ANO2: variants seen among roughly 807,000 people sequenced by gnomAD.
The protein encoded by ANO2 is anoctamin 2, also known as anoctamin-2.
A neutral mutation model predicts 124.2 loss-of-function variants in ANO2; 101 were observed. The observed-to-expected ratio is 0.81, with a 90% confidence interval of 0.69 to 0.96. The LOEUF is 0.96. ANO2 is among the 40% of genes least tolerant of loss of function. The probability of loss-of-function intolerance (pLI) is 0.00; values close to 1 mark genes in which losing one functional copy is unlikely to be tolerated. For missense variants in ANO2, 1,293 were observed against 1,274.5 expected, an observed-to-expected ratio of 1.01 and a Z score of -0.22; for synonymous variants, 486 against 482.5, an observed-to-expected ratio of 1.01 and a Z score of -0.09.
chr12:5,945,242 C>T lies in ANO2; in HGVS notation c.-25G>A. The T allele has an allele frequency of 7.8e-7, 1 of 1,284,988 alleles. No individual in the cohort carries two copies. The highest frequency in any genetic ancestry group is 1.0e-6 in the Non-Finnish European group (1 of 986,238). The allele number at this position is 1,284,988 out of a possible 1,614,324, so 79.6% of individuals were successfully genotyped here. A position where few individuals can be genotyped will look rare whatever the true frequency, so the allele number is the denominator to read the frequency against. On this transcript the variant is annotated 5_prime_UTR_variant, in exon 1 of 25. Coordinates refer to ENST00000682330, the MANE Select transcript of ANO2 (RefSeq NM_001364791.2). ...TGATGTGGACGCAGACCCCGCCGGC[C>T]CGCGGCCGCGCGCTTCTGGGCAGGC...
intron 4 of ANO2, among the ~76,000 whole-genome samples, chr12:5,849,796 C>T (rs76813243): frequency 6.6e-6 from 1 of 152,118 alleles, no homozygotes; most frequent in Non-Finnish European, 1.5e-5. Flanking sequence ...ACTGATCCCG[C>T]GCCATGCCTC....
At position 5,850,596 on chromosome 12, in the gene ANO2, C is replaced by T. The variant is rs558293078; in HGVS notation, c.633+3447G>A. ...CTTTGCCTCTCCCTACTCCCTAACCCACCACATTGACAAACAGAATTGGTG... is the reference window on the plus strand; with the variant it reads ...CTTTGCCTCTCCCTACTCCCTAACCTACCACATTGACAAACAGAATTGGTG... On this transcript the variant is annotated intron_variant, in intron 4 of 24. Transcript: ENST00000682330. Among the ~76,000 whole-genome samples the T allele has an allele frequency of 1.1e-4, 16 of 152,224 alleles. 1 individual carries two copies. The South Asian group carries it at 3.3e-3, about 32-fold the overall frequency.
At chr12:5,847,475 G>GTA (rs1245835136) in intron 4 of ANO2, among the ~76,000 whole-genome samples, 1 of 151,438 alleles carries the variant, frequency 6.6e-6, no homozygotes, top group Non-Finnish European at 1.5e-5. Flanking sequence ...GTGTGTGTGT[G>GTA]TGTCCTGTTG....
intron 19 of ANO2, among the ~76,000 whole-genome samples, chr12:5,603,057 T>C (rs982616547): frequency 1.3e-5 from 2 of 152,106 alleles, no homozygotes; most frequent in Non-Finnish European, 2.9e-5. Flanking sequence ...ACCAAGGATA[T>C]AAAGCAAGGA....
chr12:5,750,801 T>C (rs1329954698), intron 11 of ANO2, 35 bp downstream of exon 11: 5 of 1,598,286 alleles, frequency 3.1e-6, no homozygotes, highest in Non-Finnish European at 2.6e-6. Context: ...TATTAACATA[T>C]GGCAACTGAG....
chr12:5,637,362 C>CGT (rs1565504464), intron 15 of ANO2, among the ~76,000 whole-genome samples: 1 of 141,086 alleles, frequency 7.1e-6, no homozygotes, highest in Non-Finnish European at 1.5e-5. Context: ...TGTGTGTGTA[C>CGT]GTGTGTGTGT....
rs116386009 is a variant in ANO2 at position 5,584,399 on chromosome 12, G to A, written c.2234-5881C>T. Reference sequence around the variant, plus strand: ...TTCAGTTCACTTTGTGGCCCTTGGAGAAGGCTGTTTTTCTTTAATTAAAAA... The same window carrying A: ...TTCAGTTCACTTTGTGGCCCTTGGAAAAGGCTGTTTTTCTTTAATTAAAAA... On this transcript the variant is annotated intron_variant, in intron 20 of 24. Coordinates refer to ENST00000682330, the MANE Select transcript of ANO2 (RefSeq NM_001364791.2). 3.2e-3 allele frequency among the ~76,000 whole-genome samples: 490 copies of A among 152,290 alleles called. 7 individuals are homozygous for A. The highest frequency in any genetic ancestry group is 0.011 in the African/African-American group (450 of 41,556).
chr12:5,761,487 C>T (rs1951744732), intron 10 of ANO2, among the ~76,000 whole-genome samples: 1 of 152,094 alleles, frequency 6.6e-6, no homozygotes, highest in South Asian at 2.1e-4. Flanking sequence ...TGTGCAAAAA[C>T]ATAATTTGGA....
intron 14 of ANO2, among the ~76,000 whole-genome samples, chr12:5,661,960 G>A (rs1294632970): frequency 6.6e-6 from 1 of 152,220 alleles, no homozygotes; most frequent in Admixed American, 6.5e-5. Flanking sequence ...TGTCAACACA[G>A]GATCCGCCAT....
intron 12 of ANO2, chr12:5,740,291 G>A (rs1316970520): frequency 2.1e-5 from 4 of 194,908 alleles, no homozygotes; most frequent in East Asian, 2.7e-4. Context: ...GAAGGCCTTC[G>A]TTTCCCACAG....
chr12:5,882,742 G>C (rs772832476), intron 3 of ANO2, among the ~76,000 whole-genome samples: 99 of 152,262 alleles, frequency 6.5e-4, no homozygotes, highest in Non-Finnish European at 1.6e-4. Flanking sequence ...TCCCCAAACA[G>C]AGCTGCCTTT....
At position 5,761,447 on chromosome 12, in the gene ANO2, C is replaced by A. The variant is rs568815727; in HGVS notation, c.1056-10477G>T. 9.2e-5 allele frequency among the ~76,000 whole-genome samples: 14 copies of A among 152,194 alleles called. No individual in the cohort carries two copies. In the South Asian group the frequency reaches 2.9e-3, roughly 32 times the overall value. On this transcript the variant is annotated intron_variant, in intron 10 of 24. Coordinates refer to ENST00000682330, the MANE Select transcript of ANO2 (RefSeq NM_001364791.2). ...CAGATATGGGTAAAAAAAAATTGGCCATCTAAGCAGGTAACCTTAACTTAT... is the reference window on the plus strand; with the variant it reads ...CAGATATGGGTAAAAAAAAATTGGCAATCTAAGCAGGTAACCTTAACTTAT...
In ANO2 at chr12:5,889,353, C is replaced by T. The variant is rs367658037; in HGVS notation, c.534+31687G>A. On this transcript the variant is annotated intron_variant, in intron 3 of 24. Coordinates refer to ENST00000682330, the MANE Select transcript of ANO2 (RefSeq NM_001364791.2). ...GTGCCACCAAAGTGGGAGCCGAGAG[C>T]GAGCGAGGGCTGCAAGGACTGCCAG... Among the ~76,000 whole-genome samples, 828 of 152,374 alleles carry T rather than the reference C, an allele frequency of 5.4e-3. 6 individuals are homozygous for T. Among genetic ancestry groups the T allele is most frequent in the African/African-American group, 0.019 (804 of 41,594 alleles).
In ANO2 at chr12:5,922,656, G is replaced by A. The variant is rs1179058210; in HGVS notation, c.171C>T (p.Gly57=). ...GGGTGCTCTCTCCACCGCAGGGCTG[G>A]CCAGGATCTCTGTTGGAACCGCCCT... The part of the protein sequence containing the change: ...GLQGGSNRDP[G]QPCGGESTRS... Residue 57 remains glycine (G), a synonymous_variant, in exon 2 of 25, where the codon GGC becomes GGT. Transcript: ENST00000682330. 1.3e-6 allele frequency: 2 copies of A among 1,557,496 alleles called. No individual in the cohort carries two copies. Among genetic ancestry groups the A allele is most frequent in the South Asian group, 1.2e-5 (1 of 84,844 alleles).
chr12:5,874,974 C>A (rs925150211), intron 3 of ANO2, among the ~76,000 whole-genome samples: 8 of 152,130 alleles, frequency 5.3e-5, no homozygotes, highest in Non-Finnish European at 8.8e-5. Flanking sequence ...ATTTTATTTA[C>A]AAAAGTAGGT....
intron 4 of ANO2, among the ~76,000 whole-genome samples, chr12:5,834,077 C>T (rs924453631): frequency 6.6e-6 from 1 of 152,136 alleles, no homozygotes; most frequent in East Asian, 1.9e-4. Context: ...TGAACCCTCC[C>T]GTCCATCCCA....
chr12:5,744,382 A>G (rs1261741405), intron 11 of ANO2, 65 bp from the exon 12 acceptor site: 2 of 1,565,864 alleles, frequency 1.3e-6, no homozygotes, highest in African/African-American at 1.4e-5. Flanking sequence ...AGAAAAATAC[A>G]TCCCCCAAAT....
At chr12:5,704,006 C>G (rs942376927) in intron 14 of ANO2, among the ~76,000 whole-genome samples, 32 of 152,054 alleles carry the variant, frequency 2.1e-4, no homozygotes, top group African/African-American at 7.7e-4. Context: ...TGATCATTTC[C>G]AGAATTGGGG....
intron 14 of ANO2, among the ~76,000 whole-genome samples, chr12:5,648,810 T>C (rs935802425): frequency 3.9e-5 from 6 of 151,980 alleles, no homozygotes; most frequent in Non-Finnish European, 7.4e-5. Context: ...AATCCAGGAG[T>C]ACTTCTGCAA....
Sources: allele counts gnomAD v4.1 joint callset (sites outside exome capture counted in the v4.1 genomes callset), GRCh38; gene constraint gnomAD v4.1.1; transcripts MANE v1.5; gene names NCBI Gene and HGNC (gene_info 2026-07-23, HGNC 2026-07-21).